The following HTR1F variants were observed in gnomAD, a reference collection of about 807,000 sequenced individuals.
HTR1F encodes the protein 5-hydroxytryptamine receptor 1F, also known as 5-hydroxytryptamine (serotonin) receptor 1F, G protein-coupled.
Under a neutral mutation model 24.0 loss-of-function variants are expected in HTR1F, and 17 were observed. That is an observed-to-expected ratio of 0.71 (90% CI 0.48 to 1.06). The LOEUF (loss-of-function observed/expected upper bound fraction) is 1.06. Ranked by LOEUF, HTR1F falls within the 50% of genes least tolerant of loss-of-function variation. The pLI, the probability that HTR1F is intolerant of heterozygous loss-of-function variation, is 0.00. For missense variants in HTR1F, 391 were observed against 427.8 expected (o/e 0.91, Z 0.76); for synonymous variants, 186 against 156.8 (o/e 1.19, Z -1.39).
chr3:87,950,086 GTCT>G (rs1486653385), intron 2 of HTR1F, among the ~76,000 whole-genome samples: 1 of 152,140 alleles, frequency 6.6e-6, no homozygotes, highest in Non-Finnish European at 1.5e-5. Flanking sequence ...CTTTGTAACA[GTCT>G]TCTCTCCCAG....
intron 2 of HTR1F, among the ~76,000 whole-genome samples, chr3:87,876,960 A>G (rs1437926783): frequency 6.6e-6 from 1 of 152,176 alleles, no homozygotes; most frequent in East Asian, 1.9e-4. Flanking sequence ...ATTTTATGAT[A>G]TGTGCTTTTT....
intron 2 of HTR1F, among the ~76,000 whole-genome samples, chr3:87,979,397 G>C (rs1705492781): frequency 6.6e-6 from 1 of 152,142 alleles, no homozygotes; most frequent in African/African-American, 2.4e-5. Context: ...CCTGTCCTCT[G>C]TGTCCTAAGT....
At chr3:87,960,291 C>T (rs1176345826) in intron 2 of HTR1F, among the ~76,000 whole-genome samples, 2 of 151,966 alleles carry the variant, frequency 1.3e-5, no homozygotes, top group Non-Finnish European at 2.9e-5. Context: ...ATTTGGAAAA[C>T]ATCCTAAATA....
At chr3:87,900,820 A>G (rs1706304513) in intron 2 of HTR1F, among the ~76,000 whole-genome samples, 2 of 152,188 alleles carry the variant, frequency 1.3e-5, no homozygotes, top group South Asian at 2.1e-4. Flanking sequence ...CAGGTTTGGA[A>G]GAAGGAGCAG....
At chr3:87,969,982 T>C (rs1705252305) in intron 2 of HTR1F, among the ~76,000 whole-genome samples, 1 of 152,162 alleles carries the variant, frequency 6.6e-6, no homozygotes, top group African/African-American at 2.4e-5. Context: ...CCTGCTGCCA[T>C]GCAGACATGG....
intron 2 of HTR1F, among the ~76,000 whole-genome samples, chr3:87,826,255 C>A (rs1458374023): frequency 6.6e-6 from 1 of 152,178 alleles, no homozygotes; most frequent in Non-Finnish European, 1.5e-5. Context: ...CTCAGGGAAC[C>A]TGTTTGATCA....
At chr3:87,794,630 A>C (rs188988152) in intron 1 of HTR1F, among the ~76,000 whole-genome samples, 20 of 152,220 alleles carry the variant, frequency 1.3e-4, no homozygotes, top group Admixed American at 1.3e-3. Flanking sequence ...GGCTTATTAC[A>C]GAGCTAATGA....
chr3:87,966,808 A>G (rs1202035836), intron 2 of HTR1F, among the ~76,000 whole-genome samples: 4 of 152,132 alleles, frequency 2.6e-5, no homozygotes, highest in Non-Finnish European at 5.9e-5. Context: ...TCCATCACAC[A>G]TTTTACAAAA....
chr3:87,832,316 C>CTTTTTTTTTTTTTTTTT (rs60414125), intron 2 of HTR1F, among the ~76,000 whole-genome samples: 1 of 125,522 alleles, frequency 8.0e-6, no homozygotes, highest in Non-Finnish European at 1.7e-5. Context: ...AATATCCCTT[C>CTTTTTTTTTTTTTTTTT]TTTTTTTTTT....
intron 2 of HTR1F, among the ~76,000 whole-genome samples, chr3:87,876,692 G>C (rs2030459987): frequency 6.6e-6 from 1 of 152,150 alleles, no homozygotes; most frequent in Non-Finnish European, 1.5e-5. Flanking sequence ...AAAGGGGTAA[G>C]ATAGGATTTA....
At chr3:87,895,150 G>A (rs557515398) in intron 2 of HTR1F, among the ~76,000 whole-genome samples, 44 of 152,180 alleles carry the variant, frequency 2.9e-4, no homozygotes, top group African/African-American at 1.0e-3. Flanking sequence ...TTTACTAGGT[G>A]GATAACACTG....
intron 2 of HTR1F, among the ~76,000 whole-genome samples, chr3:87,879,188 G>A (rs941523271): frequency 6.6e-6 from 1 of 152,038 alleles, no homozygotes; most frequent in African/African-American, 2.4e-5. Flanking sequence ...TCCAATCTAA[G>A]TGGAATCATG....
rs33961897 is a variant in HTR1F, at chr3:87,912,593, T to TAAA, written c.-42-78104_-42-78102dup. 1.4e-4 allele frequency among the ~76,000 whole-genome samples: 13 copies of TAAA among 91,646 alleles called. 1 individual carries two copies. The highest frequency in any genetic ancestry group is 2.6e-4 in the Non-Finnish European group (11 of 42,426). 60.1% of individuals were successfully genotyped at this position (91,646 alleles called of 152,430 possible). On this transcript the variant is annotated intron_variant, in intron 2 of 2. Coordinates refer to ENST00000319595, the MANE Select transcript of HTR1F (RefSeq NM_001322209.2). ...AACTATTAAAAGTTCGTATAAAGTT[T>TAAA]AAAAAAAAAAAAAGTCTGAATAGCC...
chr3:87,936,991 C>T (rs574967371), intron 2 of HTR1F, among the ~76,000 whole-genome samples: 1 of 150,874 alleles, frequency 6.6e-6, no homozygotes, highest in South Asian at 2.1e-4. Context: ...AAATAGCCTA[C>T]CAACCAAAAA....
chr3:87,799,916 T>A (rs1402935218), intron 1 of HTR1F, among the ~76,000 whole-genome samples: 1 of 152,188 alleles, frequency 6.6e-6, no homozygotes, highest in East Asian at 1.9e-4. Context: ...ACTCATATAG[T>A]CCATATTCTA....
chr3:87,929,733 T>C (rs1398549340), intron 2 of HTR1F, among the ~76,000 whole-genome samples: 2 of 152,194 alleles, frequency 1.3e-5, no homozygotes, highest in African/African-American at 4.8e-5. Flanking sequence ...TCAGGTAACA[T>C]CATGCCTCCA....
In HTR1F at chr3:87,987,722, T is replaced by TATATATATAAA. The variant is rs1169006746; in HGVS notation, c.-42-2980_-42-2979insATAAAATATAT. Among the ~76,000 whole-genome samples the TATATATATAAA allele has an allele frequency of 6.0e-4, 55 of 92,128 alleles. 2 individuals are homozygous for TATATATATAAA. Among genetic ancestry groups the TATATATATAAA allele is most frequent in the Middle Eastern group, 0.01 (2 of 198 alleles). The allele number at this position is 92,128 out of a possible 152,430, so 60.4% of individuals were successfully genotyped here. On this transcript the variant is annotated intron_variant, in intron 2 of 2. Transcript: ENST00000319595. ...ATATATGTATTATATATATGTATTT[T>TATATATATAAA]ATATATGTATTTTATATATATAAAA...
Position 87,871,314 on chromosome 3 carries a change from GA to G in HTR1F, c.-43+49198del, listed in dbSNP as rs377332165. Among the ~76,000 whole-genome samples the G allele has an allele frequency of 7.9e-5, 12 of 151,012 alleles. No individual in the cohort carries two copies. In the East Asian group the frequency reaches 1.8e-3, roughly 22 times the overall value. On this transcript the variant is annotated intron_variant, in intron 2 of 2. Transcript: ENST00000319595. ...CAACAGCAGACATGGTCAAGCAAAA[GA>G]AAAAAAATCAGTGAATTTGAAAAGA...
chr3:87,829,205 C>T (rs1248747183), intron 2 of HTR1F, among the ~76,000 whole-genome samples: 4 of 152,138 alleles, frequency 2.6e-5, no homozygotes, highest in Non-Finnish European at 5.9e-5. Context: ...ACATGTCCTT[C>T]TGCCTGTTTG....
Sources: allele counts gnomAD v4.1 joint callset (sites outside exome capture counted in the v4.1 genomes callset), GRCh38; gene constraint gnomAD v4.1.1; transcripts MANE v1.5; gene names NCBI Gene and HGNC (gene_info 2026-07-23, HGNC 2026-07-21).